IMMP2L: variants seen among roughly 807,000 people sequenced by gnomAD.
IMMP2L encodes the protein inner mitochondrial membrane peptidase subunit 2.
Under a neutral mutation model 19.3 loss-of-function variants are expected in IMMP2L, and 18 were observed. The ratio of observed to expected loss-of-function variants is 0.93; its 90% CI spans 0.64 to 1.38. IMMP2L has a LOEUF of 1.38. Ranked by LOEUF, IMMP2L falls within the 40% of genes most tolerant of loss-of-function variation. The pLI is 0.00. For synonymous variants in IMMP2L, 76 were observed against 73.0 expected, an observed-to-expected ratio of 1.04 and a Z score of -0.21; for missense variants, 233 against 218.2, an observed-to-expected ratio of 1.07 and a Z score of -0.43.
intron 3 of IMMP2L, among the ~76,000 whole-genome samples, chr7:111,027,808 T>G (rs1827010385): frequency 1.3e-5 from 2 of 151,918 alleles, no homozygotes. Flanking sequence ...AACAAAGAAA[T>G]CTCAACTTTA....
chr7:110,844,306 T>G (rs1286188408), intron 5 of IMMP2L, among the ~76,000 whole-genome samples: 5 of 152,054 alleles, frequency 3.3e-5, no homozygotes, highest in African/African-American at 1.2e-4. Context: ...TTTAGAGGCA[T>G]GTACAAAATG....
intron 5 of IMMP2L, among the ~76,000 whole-genome samples, chr7:110,857,471 A>T (rs1806916170): frequency 6.6e-6 from 1 of 152,116 alleles, no homozygotes; most frequent in South Asian, 2.1e-4. Flanking sequence ...CATAAAAGAC[A>T]TATGAAAAAA....
intron 3 of IMMP2L, among the ~76,000 whole-genome samples, chr7:111,127,367 T>C (rs1436668560): frequency 6.6e-6 from 1 of 152,184 alleles, no homozygotes; most frequent in Non-Finnish European, 1.5e-5. Flanking sequence ...CCTGAAGAAG[T>C]ATTACAAACA....
At chr7:111,273,320 T>C (rs1488096609) in intron 3 of IMMP2L, among the ~76,000 whole-genome samples, 4 of 151,880 alleles carry the variant, frequency 2.6e-5, no homozygotes, top group African/African-American at 9.7e-5. Context: ...GAAACATTAC[T>C]GGAACACTGA....
At chr7:111,290,711 G>T (rs956123186) in intron 3 of IMMP2L, among the ~76,000 whole-genome samples, 2 of 151,708 alleles carry the variant, frequency 1.3e-5, no homozygotes, top group African/African-American at 4.8e-5. Flanking sequence ...ATTGCAAATT[G>T]AACTTTTGAC....
At chr7:111,187,183 T>A (rs1164635098) in intron 3 of IMMP2L, among the ~76,000 whole-genome samples, 1 of 152,108 alleles carries the variant, frequency 6.6e-6, no homozygotes, top group Non-Finnish European at 1.5e-5. Flanking sequence ...AAGGTGGTGG[T>A]GTTCTAATAG....
chr7:111,217,124 T>TCACACACACA (rs1281616330), intron 3 of IMMP2L, among the ~76,000 whole-genome samples: 16 of 102,722 alleles, frequency 1.6e-4, no homozygotes, highest in African/African-American at 5.3e-4. Context: ...TCTCTCTCTC[T>TCACACACACA]CTCACACACA....
intron 3 of IMMP2L, among the ~76,000 whole-genome samples, chr7:111,474,731 C>T (rs1488092938): frequency 2.0e-5 from 3 of 152,046 alleles, no homozygotes; most frequent in Admixed American, 6.6e-5. Context: ...TCTGTTAATA[C>T]ATTCTTTACC....
rs548944206 is a variant in IMMP2L, at chr7:110,970,614, T to C, written c.240-7049A>G. Among the ~76,000 whole-genome samples the C allele has an allele frequency of 3.3e-5, 5 of 152,250 alleles. No homozygotes were observed. The East Asian group carries it at 9.7e-4, about 29-fold the overall frequency. On this transcript the variant is annotated intron_variant, in intron 3 of 5. Transcript: ENST00000405709. Reference sequence around the variant, plus strand: ...CTGTGGAAATGAAGGACGTGAATGCTAACATAAATTTACATACTGACTACT... The same window carrying C: ...CTGTGGAAATGAAGGACGTGAATGCCAACATAAATTTACATACTGACTACT...
Position 110,934,399 on chromosome 7 carries a change from A to T in IMMP2L, c.305+29101T>A, listed in dbSNP as rs28626819. 9.7e-3 allele frequency among the ~76,000 whole-genome samples: 1,475 copies of T among 152,172 alleles called. 19 individuals carry two copies. Among genetic ancestry groups the T allele is most frequent in the African/African-American group, 0.033 (1,363 of 41,500 alleles). The stretch of plus-strand genomic sequence containing the variant: ...GTTCAAGTCCTGAATATCATTGTTA[A>T]TTTTCTGTCTCATTGATCTAATATT... On this transcript the variant is annotated intron_variant, in intron 4 of 5. Coordinates refer to ENST00000405709, the MANE Select transcript of IMMP2L (RefSeq NM_032549.4).
At chr7:110,862,189 C>T (rs1807501655) in intron 5 of IMMP2L, among the ~76,000 whole-genome samples, 1 of 151,498 alleles carries the variant, frequency 6.6e-6, no homozygotes, top group South Asian at 2.1e-4. Context: ...TTCAGAATGT[C>T]TTTAGAGAAG....
chr7:110,769,994 T>C (rs1445041436), intron 5 of IMMP2L, among the ~76,000 whole-genome samples: 1 of 152,144 alleles, frequency 6.6e-6, no homozygotes, highest in African/African-American at 2.4e-5. Context: ...TTCAAGTAGA[T>C]AGAAGCCAAT....
chr7:110,667,437 G>A (rs547114955), intron 5 of IMMP2L, among the ~76,000 whole-genome samples: 1 of 152,176 alleles, frequency 6.6e-6, no homozygotes, highest in South Asian at 2.1e-4. Context: ...GAATATGTTA[G>A]AGAATAAAGA....
chr7:110,724,647 T>C (rs532576131), intron 5 of IMMP2L: 107 of 152,182 alleles, frequency 7.0e-4, no homozygotes, highest in African/African-American at 2.5e-3. Flanking sequence ...AGGAAAGAGA[T>C]ATTTTAAAAA....
At chr7:110,972,725 G>A (rs1357304091) in intron 3 of IMMP2L, among the ~76,000 whole-genome samples, 1 of 152,104 alleles carries the variant, frequency 6.6e-6, no homozygotes, top group African/African-American at 2.4e-5. Context: ...CCAAGCCAGA[G>A]AGGTACAGAG....
chr7:110,802,368 T>TGTGTGC (rs1554421575), intron 5 of IMMP2L, among the ~76,000 whole-genome samples: 2 of 146,392 alleles, frequency 1.4e-5, no homozygotes, highest in African/African-American at 5.0e-5. Flanking sequence ...TGTGTGTGTG[T>TGTGTGC]GCCTGTGTCT....
At chr7:111,346,800 G>T (rs536196729) in intron 3 of IMMP2L, among the ~76,000 whole-genome samples, 1 of 152,262 alleles carries the variant, frequency 6.6e-6, no homozygotes, top group East Asian at 1.9e-4. Context: ...GTAAGCTGTG[G>T]TATAGCAGTG....
intron 5 of IMMP2L, among the ~76,000 whole-genome samples, chr7:110,703,494 A>C (rs533231974): frequency 6.6e-6 from 1 of 152,290 alleles, no homozygotes; most frequent in South Asian, 2.1e-4. Context: ...ATTTCCCTAC[A>C]TACTCATCTC....
chr7:110,679,896 C>T (rs1400466607), intron 5 of IMMP2L, among the ~76,000 whole-genome samples: 1 of 152,188 alleles, frequency 6.6e-6, no homozygotes, highest in Non-Finnish European at 1.5e-5. Flanking sequence ...AGACAACAGG[C>T]TGACTTACAC....
Sources: allele counts gnomAD v4.1 joint callset (sites outside exome capture counted in the v4.1 genomes callset), GRCh38; gene constraint gnomAD v4.1.1; transcripts MANE v1.5; gene names NCBI Gene and HGNC (gene_info 2026-07-23, HGNC 2026-07-21).